USP9X: variants seen among roughly 807,000 people sequenced by gnomAD.
The protein encoded by USP9X is ubiquitin specific peptidase 9 X-linked, also known as ubiquitin carboxyl-terminal hydrolase 9X.
In USP9X, 7 loss-of-function variants were observed where a neutral mutation model predicts 190.3. That is an observed-to-expected ratio of 0.04 (90% CI 0.02 to 0.07). The LOEUF (loss-of-function observed/expected upper bound fraction) is 0.07, where lower values mean the gene tolerates loss of function less well. Among genes scored for constraint, USP9X ranks in the 10% least tolerant of loss-of-function variants. The pLI is 1.00. For missense variants in USP9X, 1,010 were observed against 1,916.9 expected, an observed-to-expected ratio of 0.53 and a Z score of 8.83; for synonymous variants, 645 against 659.5, an observed-to-expected ratio of 0.98 and a Z score of 0.34.
chrX:41,148,536 C>T lies in USP9X; in HGVS notation c.1587C>T (p.Leu529=). Residue 529 remains leucine (L), a synonymous_variant, in exon 12 of 45, where the codon CTC becomes CTT. Coordinates refer to ENST00000378308, the MANE Select transcript of USP9X (RefSeq NM_001039591.3). ...DVPVDIMDLA[L]SAHIKILDYS... ...CTGTAGATATCATGGACCTGGCTCT[C>T]AGTGCCCACATAAAAATACTAGATT... 8.3e-7 allele frequency: 1 copy of T among 1,211,740 alleles called. No homozygotes were observed. Among genetic ancestry groups the T allele is most frequent in the Non-Finnish European group, 1.1e-6 (1 of 895,503 alleles).
At chrX:41,153,108 A>G (rs918436502) in intron 14 of USP9X, 27 bp downstream of exon 14, 1 of 1,172,194 alleles carries the variant, frequency 8.5e-7, no homozygotes. Flanking sequence ...AAAATAAACT[A>G]TGGGAAATAG....
intron 1 of USP9X, among the ~76,000 whole-genome samples, chrX:41,098,403 G>T (rs940356957): frequency 1.8e-5 from 2 of 110,977 alleles, no homozygotes; most frequent in Non-Finnish European, 3.8e-5. Context: ...GCCTCCCAAA[G>T]TGCAGGGATT....
chrX:41,117,752 G>T (rs1176601899), intron 1 of USP9X, among the ~76,000 whole-genome samples: 1 of 107,368 alleles, frequency 9.3e-6, no homozygotes, highest in African/African-American at 3.4e-5. Flanking sequence ...TTAGAGGTGG[G>T]GTTTCACCGT....
At chrX:41,112,310 T>A (rs2062115864) in intron 1 of USP9X, among the ~76,000 whole-genome samples, 1 of 112,452 alleles carries the variant, frequency 8.9e-6, no homozygotes. Context: ...TGTTGTTTCC[T>A]TTTCTCCCCG....
intron 26 of USP9X, among the ~76,000 whole-genome samples, chrX:41,193,643 G>A (rs2062957062): frequency 8.9e-6 from 1 of 111,736 alleles, no homozygotes; most frequent in South Asian, 3.8e-4. Context: ...TAGCCTGGGT[G>A]ACAGAACGAG....
At chrX:41,094,793 C>T (rs768794432) in intron 1 of USP9X, among the ~76,000 whole-genome samples, 1 of 109,629 alleles carries the variant, frequency 9.1e-6, no homozygotes, top group Non-Finnish European at 1.9e-5. Context: ...AATCCCAGCA[C>T]TTTGGGAGGC....
At chrX:41,150,880 G>C in intron 12 of USP9X, 41 bp from the exon 13 acceptor site, 2 of 1,115,670 alleles carry the variant, frequency 1.8e-6, no homozygotes, top group Non-Finnish European at 2.4e-6. Context: ...AAATTCTCCT[G>C]AGTATTGATC....
intron 4 of USP9X, among the ~76,000 whole-genome samples, chrX:41,134,337 A>G (rs2062352346): frequency 8.9e-6 from 1 of 112,555 alleles, no homozygotes; most frequent in Admixed American, 9.4e-5. Context: ...AATAAGGAAG[A>G]CAAGACATAA....
At chrX:41,146,948 A>G (rs960416531) in intron 11 of USP9X, among the ~76,000 whole-genome samples, 1 of 110,906 alleles carries the variant, frequency 9.0e-6, no homozygotes, top group East Asian at 2.8e-4. Context: ...CTAAAAAACA[A>G]TAATTCCTTA....
Position 41,234,045 on chromosome X carries a change from C to CTTTTTTTTTTTTTTTTTT in USP9X, c.*1536_*1537insTTTTTTTTTTTTTTTTTT, listed in dbSNP as rs747569481. 1.1e-5 allele frequency: 1 copy of CTTTTTTTTTTTTTTTTTT among 93,182 alleles called. No individual in the cohort carries two copies. The allele number at this position is 93,182 out of a possible 1,213,427, so 7.7% of individuals were successfully genotyped here. On this transcript the variant is annotated 3_prime_UTR_variant, in exon 45 of 45. Coordinates refer to ENST00000378308, the MANE Select transcript of USP9X (RefSeq NM_001039591.3). Reference sequence around the variant, plus strand: ...TTTTTTTTTGGTTACTTTTTTTGTCCTTTTTTTTTTTTTTTAAAAGAGGAC... The same window carrying CTTTTTTTTTTTTTTTTTT: ...TTTTTTTTTGGTTACTTTTTTTGTCCTTTTTTTTTTTTTTTTTTTTTTTTTTTTTTTTTAAAAGAGGAC...
chrX:41,106,172 CTTTTGGTATTGTATCTGTTAG>C lies in USP9X; in HGVS notation c.-158-17298_-158-17278del, dbSNP rs1313911058. Among the ~76,000 whole-genome samples, 906 of 111,966 alleles carry C rather than the reference CTTTTGGTATTGTATCTGTTAG, an allele frequency of 8.1e-3. 14 individuals are homozygous for C. Among genetic ancestry groups the C allele is most frequent in the African/African-American group, 0.028 (877 of 30,814 alleles). The stretch of plus-strand genomic sequence containing the variant: ...TTAACTATTTCTTTTGTTGCTCCTG[CTTTTGGTATTGTATCTGTTAG>C]AATCCATTGCCAAATCCTAGGTCAT... On this transcript the variant is annotated intron_variant, in intron 1 of 44. Transcript: ENST00000378308.
Position 41,197,352 on chromosome X carries a change from C to CCCCCCAG in USP9X, c.4234-12_4234-11insCCCCCAG. 3.0e-6 allele frequency: 3 copies of CCCCCCAG among 988,155 alleles called. No homozygotes were observed. Among genetic ancestry groups the CCCCCCAG allele is most frequent in the Non-Finnish European group, 4.0e-6 (3 of 759,333 alleles). 81.4% of individuals were successfully genotyped at this position (988,155 alleles called of 1,213,427 possible). ...TTCTTCCCCCCCCCACCCCACCCCCCGCCTTTGGCAGGATGATGTTAAAAG... is the reference window on the plus strand; with the variant it reads ...TTCTTCCCCCCCCCACCCCACCCCCCCCCCCAGGCCTTTGGCAGGATGATGTTAAAAG... On this transcript the variant is annotated splice_polypyrimidine_tract_variant and intron_variant, in intron 28 of 44. Transcript: ENST00000378308.
intron 31 of USP9X, 54 bp downstream of exon 31, chrX:41,201,334 A>G: frequency 9.4e-7 from 1 of 1,066,334 alleles, no homozygotes; most frequent in Middle Eastern, 2.5e-4. Flanking sequence ...GATACCAGAT[A>G]CTATTCTCTC....
intron 1 of USP9X, among the ~76,000 whole-genome samples, chrX:41,111,110 C>T (rs1031633365): frequency 9.2e-6 from 1 of 109,108 alleles, no homozygotes; most frequent in African/African-American, 3.3e-5. Flanking sequence ...CCCTCCACCT[C>T]GCAAATTCAT....
chrX:41,207,923 C>T (rs938135940), intron 32 of USP9X, among the ~76,000 whole-genome samples: 1 of 111,019 alleles, frequency 9.0e-6, no homozygotes, highest in Non-Finnish European at 1.9e-5. Flanking sequence ...CTGACTATTT[C>T]AGTTCTGTCT....
At chrX:41,115,242 G>GA (rs56830972) in intron 1 of USP9X, among the ~76,000 whole-genome samples, 11,856 of 75,242 alleles carry the variant, frequency 0.16, 773 homozygotes, top group Non-Finnish European at 0.23. Context: ...AAAAGAAAAA[G>GA]AAAAAAAAAA....
At chrX:41,103,212 A>G (rs150743791) in intron 1 of USP9X, among the ~76,000 whole-genome samples, 2,401 of 112,480 alleles carry the variant, frequency 0.021, 60 homozygotes, top group African/African-American at 0.072. Flanking sequence ...TTGCTCACCT[A>G]TTGGCTGATT....
intron 26 of USP9X, chrX:41,189,694 A>G (rs2062913763): frequency 3.2e-6 from 1 of 308,034 alleles, no homozygotes; most frequent in Admixed American, 5.6e-5. Flanking sequence ...ATTTTTTTCT[A>G]ATCTTAGAAT....
intron 38 of USP9X, among the ~76,000 whole-genome samples, chrX:41,222,475 A>G (rs906990907): frequency 8.9e-6 from 1 of 111,953 alleles, no homozygotes; most frequent in Admixed American, 9.5e-5. Context: ...TATCTTTTTC[A>G]AGAAGTTTGG....
Sources: allele counts gnomAD v4.1 joint callset (sites outside exome capture counted in the v4.1 genomes callset), GRCh38; gene constraint gnomAD v4.1.1; transcripts MANE v1.5; gene names NCBI Gene and HGNC (gene_info 2026-07-23, HGNC 2026-07-21).